Variants in SMARCA5 observed in about 807,000 individuals in gnomAD.
The protein encoded by SMARCA5 is SNF2 related chromatin remodeling ATPase 5, also known as SWI/SNF-related matrix-associated actin-dependent regulator of chromatin subfamily A member 5.
Under a neutral mutation model 140.4 loss-of-function variants are expected in SMARCA5, and 18 were observed. The ratio of observed to expected loss-of-function variants is 0.13; its 90% confidence interval spans 0.09 to 0.19. The LOEUF (loss-of-function observed/expected upper bound fraction) is 0.19. SMARCA5 is among the 10% of genes least tolerant of loss of function. SMARCA5 has a pLI of 1.00. For missense variants in SMARCA5, 606 were observed against 1,276.8 expected, an observed-to-expected ratio of 0.47 and a Z score of 8.01; for synonymous variants, 449 against 419.6, an observed-to-expected ratio of 1.07 and a Z score of -0.86.
At chr4:143,538,754 A>G (rs1737366218) in intron 12 of SMARCA5, 32 bp from the exon 13 acceptor site, 2 of 1,613,300 alleles carry the variant, frequency 1.2e-6, no homozygotes, top group South Asian at 1.1e-5. Context: ...AATCAGATAA[A>G]TTTTTTGACA....
intron 11 of SMARCA5, among the ~76,000 whole-genome samples, chr4:143,537,282 G>GAC (rs1737328895): frequency 6.6e-6 from 1 of 152,144 alleles, no homozygotes; most frequent in African/African-American, 2.4e-5. Flanking sequence ...GCAAACGCCA[G>GAC]ACACTATAGC....
chr4:143,550,824 A>AAGTG (rs1737627463), intron 23 of SMARCA5, among the ~76,000 whole-genome samples: 2 of 152,060 alleles, frequency 1.3e-5, no homozygotes, highest in African/African-American at 2.4e-5. Context: ...TTATCCATTT[A>AAGTG]TCTGTTGATG....
intron 8 of SMARCA5, among the ~76,000 whole-genome samples, chr4:143,529,118 A>G (rs948994408): frequency 6.6e-6 from 1 of 151,942 alleles, no homozygotes; most frequent in Non-Finnish European, 1.5e-5. Context: ...TGTTTTTTGT[A>G]GAGATGAGGT....
At chr4:143,537,399 C>T (rs1737332938) in intron 11 of SMARCA5, among the ~76,000 whole-genome samples, 3 of 152,106 alleles carry the variant, frequency 2.0e-5, no homozygotes, top group Non-Finnish European at 1.5e-5. Flanking sequence ...ATAAGAATGA[C>T]ATTTGGACCA....
At chr4:143,519,074 C>T (rs897561560) in intron 2 of SMARCA5, among the ~76,000 whole-genome samples, 3 of 152,048 alleles carry the variant, frequency 2.0e-5, no homozygotes, top group African/African-American at 7.2e-5. Flanking sequence ...CAGTTTGATT[C>T]TTACTGGTTT....
chr4:143,536,924 A>G (rs895094200), intron 11 of SMARCA5, among the ~76,000 whole-genome samples: 2 of 152,210 alleles, frequency 1.3e-5, no homozygotes, highest in African/African-American at 2.4e-5. Context: ...CATACTTTAT[A>G]TATACTTTCC....
intron 23 of SMARCA5, among the ~76,000 whole-genome samples, chr4:143,550,597 CT>C (rs953375150): frequency 1.3e-5 from 2 of 151,976 alleles, no homozygotes; most frequent in Non-Finnish European, 2.9e-5. Flanking sequence ...CCCCCACTGC[CT>C]TTCTCAGCCT....
chr4:143,548,239 A>C lies in SMARCA5; in HGVS notation c.2985+99A>C, dbSNP rs1737570378. 1.6e-5 allele frequency: 10 copies of C among 633,956 alleles called. No individual in the cohort carries two copies. The South Asian group carries it at 2.4e-4, about 15-fold the overall frequency. 39.3% of individuals were successfully genotyped at this position (633,956 alleles called of 1,614,324 possible). On this transcript the variant is annotated intron_variant, in intron 22 of 23. Coordinates refer to ENST00000283131, the MANE Select transcript of SMARCA5 (RefSeq NM_003601.4). ...GACTTTAAAAAAATCTATGAAGTAG[A>C]CTTTTGTTACAATATTGTTAGTATC... is the stretch of plus-strand genomic sequence containing the variant.
At chr4:143,526,602 G>T in intron 6 of SMARCA5, 142 bp downstream of exon 6, 2 of 622,776 alleles carry the variant, frequency 3.2e-6, no homozygotes, top group Non-Finnish European at 5.5e-6. Flanking sequence ...TGTCTTGGTG[G>T]ATAAAAAACA....
At chr4:143,524,504 C>A in intron 4 of SMARCA5, 37 bp downstream of exon 4, 1 of 1,319,002 alleles carries the variant, frequency 7.6e-7, no homozygotes, top group Non-Finnish European at 1.1e-6. Flanking sequence ...AAAAAATTGC[C>A]CTTTGAGATC....
Position 143,513,915 on chromosome 4 carries a change from A to G in SMARCA5, c.-10A>G. On this transcript the variant is annotated 5_prime_UTR_variant, in exon 1 of 24. Coordinates refer to ENST00000283131, the MANE Select transcript of SMARCA5 (RefSeq NM_003601.4). ...CCTCTGGCAGCAGCGGGTGACGCAGACGGAACATCATGTCGTCCGCGGCCG... is the reference window on the plus strand; with the variant it reads ...CCTCTGGCAGCAGCGGGTGACGCAGGCGGAACATCATGTCGTCCGCGGCCG... 6.5e-7 allele frequency: 1 copy of G among 1,540,012 alleles called. No homozygotes were observed. The highest frequency in any genetic ancestry group is 8.7e-7 in the Non-Finnish European group (1 of 1,149,560).
chr4:143,534,894 G>A lies in SMARCA5; in HGVS notation c.1198G>A (p.Val400Ile). ...CCTCCTTCGTCGAATTAAGGCTGAT[G>A]TTGAAAAGAGTTTGCCTCCAAAGAA... ...PFLLRRIKADVEKSLPPKKEV... is the reference protein window; with the variant it reads ...PFLLRRIKADIEKSLPPKKEV... Residue 400 changes from valine (V) to isoleucine (I), a missense_variant, in exon 10 of 24, where the codon GTT becomes ATT. Around this residue, in one of 10 missense-constraint regions of SMARCA5, gnomAD observed 25 missense variants for 108.7 expected, o/e 0.23. Transcript: ENST00000283131. 1 of 1,613,270 alleles carries A rather than the reference G, an allele frequency of 6.2e-7. No homozygotes were observed. Among genetic ancestry groups the A allele is most frequent in the Non-Finnish European group, 8.5e-7 (1 of 1,179,646 alleles).
At chr4:143,536,926 A>G (rs746408868) in intron 11 of SMARCA5, among the ~76,000 whole-genome samples, 8 of 152,182 alleles carry the variant, frequency 5.3e-5, no homozygotes, top group Non-Finnish European at 8.8e-5. Context: ...TACTTTATAT[A>G]TACTTTCCTA....
intron 22 of SMARCA5, 35 bp downstream of exon 22, chr4:143,548,175 G>T: frequency 8.0e-7 from 1 of 1,247,688 alleles, no homozygotes; most frequent in South Asian, 1.4e-5. Flanking sequence ...TAATGTAGCA[G>T]AGTTCAGAGT....
chr4:143,544,157 TA>T, intron 16 of SMARCA5, 185 bp downstream of exon 16: 1 of 380,028 alleles, frequency 2.6e-6, no homozygotes, highest in African/African-American at 2.1e-5. Context: ...AGCTCTGAAA[TA>T]TTTTTAAAGT....
chr4:143,529,322 T>A (rs1737135540), intron 8 of SMARCA5, among the ~76,000 whole-genome samples: 2 of 152,194 alleles, frequency 1.3e-5, no homozygotes, highest in Admixed American at 1.3e-4. Context: ...CTGACTTTGT[T>A]TCAGTGGCTC....
At position 143,547,929 on chromosome 4, in the gene SMARCA5, T is replaced by C; in HGVS notation, c.2774T>C (p.Ile925Thr). 3.9e-6 allele frequency: 6 copies of C among 1,546,158 alleles called. No homozygotes were observed. The highest frequency in any genetic ancestry group is 5.3e-6 in the Non-Finnish European group (6 of 1,138,868). Residue 925 changes from isoleucine to threonine, a missense_variant and splice_region_variant, in exon 22 of 24, where the codon ATT becomes ACT. By Grantham distance (89) the Ile-to-Thr change is moderately conservative. Transcript: ENST00000283131. ...TAATATAAAATCTGACTTTCATAGA[T>C]TGGACGGTACAAAGCACCTTTTCAT... ...ISIKKALDTKIGRYKAPFHQL... is the reference protein window; with the variant it reads ...ISIKKALDTKTGRYKAPFHQL...
intron 8 of SMARCA5, among the ~76,000 whole-genome samples, chr4:143,528,922 T>C (rs1737126816): frequency 6.6e-6 from 1 of 152,060 alleles, no homozygotes; most frequent in Non-Finnish European, 1.5e-5. Flanking sequence ...CAATCTTATT[T>C]CATTATTATT....
At position 143,547,379 on chromosome 4, in the gene SMARCA5, T is replaced by G. The variant is rs750659944; in HGVS notation, c.2654-6T>G. On this transcript the variant is annotated splice_polypyrimidine_tract_variant and splice_region_variant and intron_variant, in intron 20 of 23. Coordinates refer to ENST00000283131, the MANE Select transcript of SMARCA5 (RefSeq NM_003601.4). ...ATGATTTGTTTACTTTGTCCAACTTTTACAGCTGTGTTTTGGGAAAGGTGC... is the reference window on the plus strand; with the variant it reads ...ATGATTTGTTTACTTTGTCCAACTTGTACAGCTGTGTTTTGGGAAAGGTGC... The G allele has an allele frequency of 6.8e-7, 1 of 1,468,936 alleles. No homozygotes were observed. Among genetic ancestry groups the G allele is most frequent in the East Asian group, 2.3e-5 (1 of 44,032 alleles). 91.0% of individuals were successfully genotyped at this position (1,468,936 alleles called of 1,614,324 possible).
Sources: allele counts gnomAD v4.1 joint callset (sites outside exome capture counted in the v4.1 genomes callset), GRCh38; gene constraint gnomAD v4.1.1; regional missense constraint gnomAD v4.1.1; transcripts MANE v1.5; gene names NCBI Gene and HGNC (gene_info 2026-07-23, HGNC 2026-07-21).